Variants in HMCN2 observed in about 807,000 individuals in gnomAD.
The protein encoded by HMCN2 is hemicentin-2.
In HMCN2, 325 loss-of-function variants were observed where a neutral mutation model predicts 377.5. The ratio of observed to expected loss-of-function variants is 0.86; its 90% CI spans 0.79 to 0.94. HMCN2 has a LOEUF of 0.94. Ranked by LOEUF, HMCN2 falls within the 40% of genes least tolerant of loss-of-function variation. The pLI, the probability that HMCN2 is intolerant of heterozygous loss-of-function variation, is 0.00. For missense variants in HMCN2, 4,543 were observed against 4,725.3 expected, an observed-to-expected ratio of 0.96 and a Z score of 1.13; for synonymous variants, 2,007 against 2,046.8, an observed-to-expected ratio of 0.98 and a Z score of 0.53.
At chr9:130,277,827 C>CACT (rs1834810752) in intron 1 of HMCN2, among the ~76,000 whole-genome samples, 1 of 24,810 alleles carries the variant, frequency 4.0e-5, no homozygotes, top group Non-Finnish European at 7.4e-5. Flanking sequence ...TCATCATCAC[C>CACT]ACCACCATCA....
At position 130,407,595 on chromosome 9, in the gene HMCN2, G is replaced by A; in HGVS notation, c.12578G>A (p.Gly4193Asp). ...VTEGVSEQDG[G>D]STLQRAAVSR... ...GAAGGGGTGTCTGAGCAGGATGGAG[G>A]CAGCACGCTGCAGCGGGCCGCTGTC... is the stretch of plus-strand genomic sequence containing the variant. Residue 4193 changes from glycine to aspartate, a missense_variant, in exon 83 of 98, where the codon GGC becomes GAC. By Grantham distance (94) the Gly-to-Asp change is moderately conservative. Transcript: ENST00000683500. 1 of 1,289,426 alleles carries A rather than the reference G, an allele frequency of 7.8e-7. No individual in the cohort carries two copies. 79.9% of individuals were successfully genotyped at this position (1,289,426 alleles called of 1,614,324 possible).
At chr9:130,405,680 G>A (rs1230369470) in intron 81 of HMCN2, among the ~76,000 whole-genome samples, 1 of 152,238 alleles carries the variant, frequency 6.6e-6, no homozygotes, top group Non-Finnish European at 1.5e-5. Context: ...GTCAAGTTCT[G>A]AGGACAGGGC....
chr9:130,342,746 G>A (rs992209058), intron 25 of HMCN2, among the ~76,000 whole-genome samples: 1 of 152,168 alleles, frequency 6.6e-6, no homozygotes, highest in Admixed American at 6.5e-5. Context: ...GCATCTGGGG[G>A]TGTGATCGCC....
Position 130,285,175 on chromosome 9 carries a change from G to A in HMCN2, c.348G>A (p.Pro116=), listed in dbSNP as rs782277609. Residue 116 remains proline, a synonymous_variant, in exon 3 of 98, where the codon CCG becomes CCA. Coordinates refer to ENST00000683500, the MANE Select transcript of HMCN2 (RefSeq NM_001291815.2). ...ELYVQGGGDC[P]EMSVGAIKAA... ...CCCTCCAGGGAGGTGGTGACTGCCC[G>A]GAGATGAGTGTGGGGGCCATTAAGG... 7 of 471,112 alleles carry A rather than the reference G, an allele frequency of 1.5e-5. No homozygotes were observed. The highest frequency in any genetic ancestry group is 2.6e-5 in the Non-Finnish European group (6 of 227,040). The allele number at this position is 471,112 out of a possible 1,614,324, so 29.2% of individuals were successfully genotyped here.
chr9:130,330,123 G>A (rs1003457030), intron 22 of HMCN2, among the ~76,000 whole-genome samples: 5 of 151,620 alleles, frequency 3.3e-5, no homozygotes, highest in Non-Finnish European at 5.9e-5. Flanking sequence ...CTGCCCTTCT[G>A]AAAACGGAGC....
rs556063868 is a variant in HMCN2, at chr9:130,294,762, C to T, written c.613-93C>T. 2.6e-5 allele frequency: 9 copies of T among 345,236 alleles called. No individual in the cohort carries two copies. The East Asian group carries it at 2.7e-4, about 10-fold the overall frequency. The allele number at this position is 345,236 out of a possible 1,614,324, so 21.4% of individuals were successfully genotyped here. On this transcript the variant is annotated intron_variant, in intron 4 of 97. Coordinates refer to ENST00000683500, the MANE Select transcript of HMCN2 (RefSeq NM_001291815.2). ...CATGGAGGAGTGGGGTGGCCTTGGG[C>T]GACCTGGAAAGTTTGTATGCTGCCT...
intron 22 of HMCN2, among the ~76,000 whole-genome samples, chr9:130,337,067 A>C (rs986637180): frequency 3.8e-4 from 58 of 152,216 alleles, no homozygotes; most frequent in African/African-American, 1.3e-3. Context: ...GAGGCCAGCT[A>C]GGGTCAGTGG....
chr9:130,433,984 G>A lies in HMCN2; in HGVS notation c.*291G>A. On this transcript the variant is annotated 3_prime_UTR_variant, in exon 98 of 98. Transcript: ENST00000683500. ...GTCTGATCCGCCCCTCAGTGGGAGC[G>A]GGACAGGGACACAGGGCACCTGGAC... The A allele has an allele frequency of 3.0e-6, 1 of 335,900 alleles. No individual in the cohort carries two copies. The highest frequency in any genetic ancestry group is 4.8e-5 in the East Asian group (1 of 20,718). The allele number at this position is 335,900 out of a possible 1,614,324, so 20.8% of individuals were successfully genotyped here.
chr9:130,384,255 A>G (rs999226577), intron 57 of HMCN2, 118 bp from the exon 58 acceptor site: 3 of 774,542 alleles, frequency 3.9e-6, no homozygotes, highest in African/African-American at 1.8e-5. Flanking sequence ...AATTATTTGA[A>G]GTTGTGCCGA....
At chr9:130,375,132 T>C (rs895323185) in intron 49 of HMCN2, among the ~76,000 whole-genome samples, 12 of 152,214 alleles carry the variant, frequency 7.9e-5, no homozygotes, top group African/African-American at 2.9e-4. Context: ...TCTAAAATGC[T>C]GGCAGTTAAA....
At chr9:130,373,977 TG>T (rs1198650221) in intron 48 of HMCN2, among the ~76,000 whole-genome samples, 1 of 151,608 alleles carries the variant, frequency 6.6e-6, no homozygotes, top group Admixed American at 6.6e-5. Flanking sequence ...GTTGGGTGGT[TG>T]GGTGGGTGAA....
intron 15 of HMCN2, among the ~76,000 whole-genome samples, chr9:130,313,940 C>T (rs1241618197): frequency 5.9e-5 from 9 of 151,988 alleles, no homozygotes; most frequent in African/African-American, 1.5e-4. Flanking sequence ...CCACCATTCC[C>T]GGCTGATTTT....
At chr9:130,410,404 A>G (rs574678430) in intron 84 of HMCN2, among the ~76,000 whole-genome samples, 167 bp from the exon 85 acceptor site, 115 of 152,282 alleles carry the variant, frequency 7.6e-4, no homozygotes, top group Admixed American at 1.8e-3. Flanking sequence ...TCTGCTGACA[A>G]GTGGTCACAG....
At chr9:130,278,579 C>G (rs1175855942) in intron 1 of HMCN2, among the ~76,000 whole-genome samples, 1 of 151,726 alleles carries the variant, frequency 6.6e-6, no homozygotes, top group Non-Finnish European at 1.5e-5. Flanking sequence ...ATTTTCTTTT[C>G]TTTTCTTTTT....
At chr9:130,341,777 G>A (rs1839059076) in intron 24 of HMCN2, among the ~76,000 whole-genome samples, 1 of 152,124 alleles carries the variant, frequency 6.6e-6, no homozygotes, top group Non-Finnish European at 1.5e-5. Context: ...CCTGCAAAGT[G>A]GGTCCAATAG....
At position 130,423,929 on chromosome 9, in the gene HMCN2, G is replaced by A. The variant is rs1356483442; in HGVS notation, c.13382-847G>A. ...CCGTGGTGACCCGGGGCCCTCAATC[G>A]GTATTTGTTGAACTGAGTTAAATAT... On this transcript the variant is annotated intron_variant, in intron 87 of 97. Transcript: ENST00000683500. The surrounding 1 kb of genome is among the most constrained non-coding windows in gnomAD (Gnocchi z 5.5). Among the ~76,000 whole-genome samples, 4 of 152,034 alleles carry A rather than the reference G, an allele frequency of 2.6e-5. No individual in the cohort carries two copies. Among genetic ancestry groups the A allele is most frequent in the Non-Finnish European group, 5.9e-5 (4 of 68,018 alleles).
chr9:130,372,440 A>G lies in HMCN2; in HGVS notation c.7351+33A>G, dbSNP rs890697841. ...ACAACCCCATTCTCATGGGTGCCCT[A>G]TGAACTCTTCCCCACTGCCTGGGAG... On this transcript the variant is annotated intron_variant, in intron 47 of 97. Coordinates refer to ENST00000683500, the MANE Select transcript of HMCN2 (RefSeq NM_001291815.2). The G allele has an allele frequency of 1.5e-5, 13 of 870,196 alleles. No homozygotes were observed. In the African/African-American group the frequency reaches 1.8e-4, roughly 12 times the overall value. 53.9% of individuals were successfully genotyped at this position (870,196 alleles called of 1,614,324 possible).
chr9:130,363,030 C>G (rs1203622471), intron 40 of HMCN2, 40 bp downstream of exon 40: 1 of 982,850 alleles, frequency 1.0e-6, no homozygotes. Context: ...TTCAGAGCAG[C>G]GGGGGAGATG....
intron 1 of HMCN2, among the ~76,000 whole-genome samples, chr9:130,268,716 A>C (rs1834252549): frequency 6.7e-6 from 1 of 149,046 alleles, no homozygotes; most frequent in African/African-American, 2.4e-5. Flanking sequence ...TCCCTGGGGC[A>C]TGTGGAGCTG....
Sources: allele counts gnomAD v4.1 joint callset (sites outside exome capture counted in the v4.1 genomes callset), GRCh38; gene constraint gnomAD v4.1.1; non-coding constraint Gnocchi (gnomAD v3.1); transcripts MANE v1.5; gene names NCBI Gene and HGNC (gene_info 2026-07-23, HGNC 2026-07-21).